Variants in GHR observed in about 807,000 individuals in gnomAD.
The protein encoded by GHR is GH receptor.
A neutral mutation model predicts 67.1 loss-of-function variants in GHR; 35 were observed. That is an observed-to-expected ratio of 0.52 (90% CI 0.40 to 0.69). GHR has a LOEUF of 0.69. Among genes scored for constraint, GHR ranks in the 30% least tolerant of loss-of-function variants. The pLI is 0.00. For synonymous variants in GHR, 272 were observed against 269.1 expected (o/e 1.01, Z -0.10); for missense variants, 792 against 764.6 (o/e 1.04, Z -0.42).
At chr5:42,473,750 G>A (rs984575588) in intron 1 of GHR, among the ~76,000 whole-genome samples, 4 of 151,820 alleles carry the variant, frequency 2.6e-5, no homozygotes, top group Admixed American at 2.0e-4. Flanking sequence ...GGTGGCATGC[G>A]CCTGTAGTCC....
intron 1 of GHR, among the ~76,000 whole-genome samples, chr5:42,554,603 C>T (rs908717942): frequency 2.0e-5 from 3 of 152,156 alleles, no homozygotes; most frequent in Non-Finnish European, 4.4e-5. Context: ...GCTTGGACTT[C>T]TACTACCTCT....
At chr5:42,425,959 T>C (rs1042275172) in intron 1 of GHR, among the ~76,000 whole-genome samples, 1 of 152,200 alleles carries the variant, frequency 6.6e-6, no homozygotes, top group Non-Finnish European at 1.5e-5. Context: ...GAGTGCATTC[T>C]TTTTTCAAAA....
intron 2 of GHR, among the ~76,000 whole-genome samples, chr5:42,570,711 C>T (rs1750247250): frequency 1.3e-5 from 2 of 152,104 alleles, no homozygotes; most frequent in African/African-American, 2.4e-5. Context: ...ATGTATATTC[C>T]TGCTTTTAAG....
In GHR at chr5:42,515,447, C is replaced by G. The variant is rs1747195386; in HGVS notation, c.-11-50417C>G. On this transcript the variant is annotated intron_variant, in intron 1 of 9. Coordinates refer to ENST00000230882, the MANE Select transcript of GHR (RefSeq NM_000163.5). ...TCTTTTTCCACAGATGGGATTAATG[C>G]CATTATGTTCTATGTCATCCACATA... 1.3e-5 allele frequency among the ~76,000 whole-genome samples: 2 copies of G among 152,134 alleles called. 1 individual carries two copies. The highest frequency in any genetic ancestry group is 4.8e-5 in the African/African-American group (2 of 41,414).
chr5:42,586,380 G>A (rs1214088477), intron 2 of GHR, among the ~76,000 whole-genome samples: 2 of 152,070 alleles, frequency 1.3e-5, no homozygotes, highest in Non-Finnish European at 2.9e-5. Flanking sequence ...AACAGTAATG[G>A]GCTTTATGGC....
At chr5:42,502,028 C>T (rs953397600) in intron 1 of GHR, among the ~76,000 whole-genome samples, 5 of 152,196 alleles carry the variant, frequency 3.3e-5, no homozygotes, top group African/African-American at 1.2e-4. Context: ...CACATCCAGA[C>T]TTCTTTCAGA....
chr5:42,580,731 C>T (rs748971052), intron 2 of GHR, among the ~76,000 whole-genome samples: 1 of 152,080 alleles, frequency 6.6e-6, no homozygotes, highest in African/African-American at 2.4e-5. Context: ...TTTTCTCAAT[C>T]GGTTGGCATT....
intron 1 of GHR, among the ~76,000 whole-genome samples, chr5:42,438,658 GC>G (rs1310067445): frequency 2.0e-5 from 3 of 152,266 alleles, no homozygotes; most frequent in African/African-American, 7.2e-5. Flanking sequence ...AGGACCTGAG[GC>G]CCTCAGACCA....
At chr5:42,698,233 A>T (rs1225645879) in intron 5 of GHR, among the ~76,000 whole-genome samples, 2 of 152,186 alleles carry the variant, frequency 1.3e-5, no homozygotes, top group African/African-American at 4.8e-5. Flanking sequence ...TTATGCCTGT[A>T]ATGGTATCTC....
chr5:42,495,079 C>A lies in GHR; in HGVS notation c.-11-70785C>A, dbSNP rs1415035857. ...AGTGACACATTGCCAATTCCCACGC[C>A]CCCCCCCCATTTTCTTTGATGGAGG... On this transcript the variant is annotated intron_variant, in intron 1 of 9. Coordinates refer to ENST00000230882, the MANE Select transcript of GHR (RefSeq NM_000163.5). Among the ~76,000 whole-genome samples, 9 of 698 alleles carry A rather than the reference C, an allele frequency of 0.013. No individual in the cohort carries two copies. In the Non-Finnish European group the frequency reaches 0.4, roughly 31 times the overall value. The allele number at this position is 698 out of a possible 152,430, so 0.5% of individuals were successfully genotyped here.
At chr5:42,552,716 A>C (rs1579925711) in intron 1 of GHR, among the ~76,000 whole-genome samples, 1 of 152,174 alleles carries the variant, frequency 6.6e-6, no homozygotes, top group Non-Finnish European at 1.5e-5. Context: ...CCTGAAAGAT[A>C]GTGAACCCAG....
chr5:42,575,527 G>A (rs965027125), intron 2 of GHR, among the ~76,000 whole-genome samples: 5 of 152,084 alleles, frequency 3.3e-5, no homozygotes, highest in African/African-American at 1.2e-4. Context: ...GTGGGTAGAA[G>A]TATCTGTCTC....
At chr5:42,646,290 AC>A in intron 3 of GHR, 1 of 449,580 alleles carries the variant, frequency 2.2e-6, no homozygotes, top group South Asian at 1.6e-5. Context: ...TGCAAATTGA[AC>A]CCCAGCACAT....
At chr5:42,534,813 C>G (rs1168934639) in intron 1 of GHR, among the ~76,000 whole-genome samples, 1 of 151,988 alleles carries the variant, frequency 6.6e-6, no homozygotes, top group Non-Finnish European at 1.5e-5. Context: ...CGCATTCATG[C>G]CAACATCTAC....
At chr5:42,478,739 C>T (rs927041901) in intron 1 of GHR, among the ~76,000 whole-genome samples, 1 of 152,240 alleles carries the variant, frequency 6.6e-6, no homozygotes, top group Admixed American at 6.5e-5. Flanking sequence ...GATTTTGTAT[C>T]CTGAGACTTT....
At chr5:42,708,360 C>T (rs1758283952) in intron 6 of GHR, among the ~76,000 whole-genome samples, 1 of 152,080 alleles carries the variant, frequency 6.6e-6, no homozygotes, top group African/African-American at 2.4e-5. Flanking sequence ...TCCTTTAAGT[C>T]TGACATTAAA....
In GHR at chr5:42,609,170, T is replaced by G. The variant is rs147645589; in HGVS notation, c.71-19868T>G. Among the ~76,000 whole-genome samples, 659 of 152,134 alleles carry G rather than the reference T, an allele frequency of 4.3e-3. 4 individuals are homozygous for G. Among genetic ancestry groups the G allele is most frequent in the African/African-American group, 0.015 (638 of 41,500 alleles). On this transcript the variant is annotated intron_variant, in intron 2 of 9. Coordinates refer to ENST00000230882, the MANE Select transcript of GHR (RefSeq NM_000163.5). ...GGTACTAGCTCCCAGGCCTGAAAGG[T>G]CACAGTGTTCTAGGTTCCAGAAGTG...
At chr5:42,546,836 A>G (rs1000060426) in intron 1 of GHR, among the ~76,000 whole-genome samples, 1 of 152,174 alleles carries the variant, frequency 6.6e-6, no homozygotes, top group African/African-American at 2.4e-5. Flanking sequence ...TAGTAACAGT[A>G]GTGAGGATAA....
Position 42,708,975 on chromosome 5 carries a change from AATTT to A in GHR, c.619-2225_619-2222del, listed in dbSNP as rs554219119. The stretch of plus-strand genomic sequence containing the variant: ...CAAAGACCAGGGGCTTATATATAAT[AATTT>A]ATTTATCTCTTGAAGAAACAAACAA... On this transcript the variant is annotated intron_variant, in intron 6 of 9. Coordinates refer to ENST00000230882, the MANE Select transcript of GHR (RefSeq NM_000163.5). Among the ~76,000 whole-genome samples, 32 of 152,324 alleles carry A rather than the reference AATTT, an allele frequency of 2.1e-4. 1 individual carries two copies. In the South Asian group the frequency reaches 6.4e-3, roughly 31 times the overall value.
Sources: gnomAD v4.1 joint callset for allele counts (sites outside exome capture counted in the v4.1 genomes callset) on GRCh38, gnomAD v4.1.1 for gene constraint, MANE v1.5 for transcripts, NCBI Gene and HGNC (gene_info 2026-07-23, HGNC 2026-07-21) for gene names.